The following N4BP2L2 variants were observed in gnomAD, a reference collection of about 807,000 sequenced individuals.
The protein encoded by N4BP2L2 is NEDD4 binding protein 2 like 2.
In N4BP2L2, 50 loss-of-function variants were observed where a neutral mutation model predicts 56.2. The ratio of observed to expected loss-of-function variants is 0.89; its 90% CI spans 0.71 to 1.13. The LOEUF (loss-of-function observed/expected upper bound fraction) is 1.13, where lower values mean the gene tolerates loss of function less well. N4BP2L2 is among the 50% of genes most tolerant of loss of function. N4BP2L2 has a pLI of 0.00. For missense variants in N4BP2L2, 689 were observed against 693.8 expected (o/e 0.99, Z 0.08); for synonymous variants, 203 against 223.6 (o/e 0.91, Z 0.82).
At chr13:32,453,443 A>C (rs570109931) in intron 6 of N4BP2L2, among the ~76,000 whole-genome samples, 1 of 152,260 alleles carries the variant, frequency 6.6e-6, no homozygotes, top group South Asian at 2.1e-4. Flanking sequence ...AAGAGAAAAA[A>C]AAAAAGCTGA....
intron 5 of N4BP2L2, among the ~76,000 whole-genome samples, 154 bp from the exon 6 acceptor site, chr13:32,518,157 T>C (rs1398976317): frequency 2.0e-5 from 3 of 152,222 alleles, no homozygotes; most frequent in African/African-American, 7.2e-5. Context: ...AAAAGACTTA[T>C]TAAAAACTCA....
intron 3 of N4BP2L2, chr13:32,524,505 T>TATC (rs1406861332): frequency 6.6e-6 from 1 of 152,216 alleles, no homozygotes; most frequent in Non-Finnish European, 1.5e-5. Context: ...ACAAATGAAC[T>TATC]ATCATACTGT....
chr13:32,469,590 G>A (rs1475529250), intron 6 of N4BP2L2, among the ~76,000 whole-genome samples: 1 of 152,226 alleles, frequency 6.6e-6, no homozygotes, highest in East Asian at 1.9e-4. Flanking sequence ...CACCCCCACT[G>A]AGTTGTGGGA....
exon 8 of N4BP2L2, chr13:32,438,667 C>G: frequency 1.2e-6 from 2 of 1,605,010 alleles, no homozygotes; most frequent in Non-Finnish European, 1.7e-6. Flanking sequence ...CTGACATCTT[C>G]CATTGCAAGT....
intron 6 of N4BP2L2, among the ~76,000 whole-genome samples, chr13:32,476,218 T>A (rs564600046): frequency 3.9e-5 from 6 of 152,306 alleles, no homozygotes; most frequent in African/African-American, 1.2e-4. Context: ...ATGAACCAGA[T>A]GAACTGGATC....
chr13:32,434,163 G>A (rs570192883), intron 9 of N4BP2L2, among the ~76,000 whole-genome samples: 3 of 150,342 alleles, frequency 2.0e-5, no homozygotes, highest in East Asian at 4.0e-4. Context: ...TGCAACCTCC[G>A]CCTCCCGGGT....
chr13:32,530,192 A>G (rs2054309569), intron 2 of N4BP2L2, among the ~76,000 whole-genome samples: 1 of 152,206 alleles, frequency 6.6e-6, no homozygotes, highest in African/African-American at 2.4e-5. Flanking sequence ...TATAAAGAAC[A>G]TTTTCTTAAA....
chr13:32,443,929 G>A, exon 7 of N4BP2L2: 2 of 1,589,670 alleles, frequency 1.3e-6, no homozygotes, highest in Non-Finnish European at 1.7e-6. Context: ...GGGATATTCT[G>A]ATTCTCTTCT....
chr13:32,506,981 T>C (rs1054411128), downstream of N4BP2L2: 1 of 152,146 alleles, frequency 6.6e-6, no homozygotes, highest in East Asian at 1.9e-4. Flanking sequence ...GTGCTAGTAA[T>C]ATCGTATTTC....
intron 6 of N4BP2L2, among the ~76,000 whole-genome samples, chr13:32,498,947 C>T (rs2089381508): frequency 7.2e-6 from 1 of 137,984 alleles, no homozygotes; most frequent in Non-Finnish European, 1.5e-5. Flanking sequence ...AGAGATTGTG[C>T]CATTGCACTC....
intron 8 of N4BP2L2, chr13:32,438,540 G>C (rs560122921): frequency 2.7e-6 from 2 of 743,478 alleles, no homozygotes; most frequent in Admixed American, 5.6e-5. Context: ...TGGAGGTTGT[G>C]GTGAGCCAAG....
At chr13:32,516,650 T>C (rs1428187303) in exon 6 of N4BP2L2, 2 of 153,522 alleles carry the variant, frequency 1.3e-5, no homozygotes, top group African/African-American at 2.4e-5. Flanking sequence ...TAAAGAATCA[T>C]AATGCTTAAT....
exon 2 of N4BP2L2, chr13:32,536,970 C>T (rs765824430): frequency 1.2e-6 from 2 of 1,612,132 alleles, no homozygotes; most frequent in East Asian, 2.2e-5. Flanking sequence ...CAGCGTGGCT[C>T]ACTCGTTACT....
intron 6 of N4BP2L2, among the ~76,000 whole-genome samples, chr13:32,495,979 C>T (rs769855068): frequency 2.6e-5 from 4 of 152,176 alleles, no homozygotes; most frequent in Non-Finnish European, 2.9e-5. Context: ...CACCCCACCC[C>T]GCCGGTGCCT....
intron 2 of N4BP2L2, among the ~76,000 whole-genome samples, chr13:32,533,029 T>C (rs1297910980): frequency 2.6e-5 from 4 of 152,152 alleles, no homozygotes; most frequent in African/African-American, 9.7e-5. Flanking sequence ...CTAGCCTGTT[T>C]CTGGGTTCTC....
At chr13:32,532,540 T>C (rs2055131869) in intron 2 of N4BP2L2, among the ~76,000 whole-genome samples, 1 of 151,936 alleles carries the variant, frequency 6.6e-6, no homozygotes. Flanking sequence ...TCATCAAATA[T>C]TAAATTCTTT....
At chr13:32,515,913 T>G (rs1183087050) in exon 6 of N4BP2L2, 2 of 152,104 alleles carry the variant, frequency 1.3e-5, no homozygotes, top group Non-Finnish European at 2.9e-5. Context: ...GATTTTTGTA[T>G]TTTAAGTAGA....
exon 7 of N4BP2L2, chr13:32,443,748 A>G: frequency 6.4e-7 from 1 of 1,572,054 alleles, no homozygotes; most frequent in Non-Finnish European, 8.6e-7. Flanking sequence ...TCAGTAACAA[A>G]CTTACAAACA....
At chr13:32,459,220 C>A (rs1391817415) in intron 6 of N4BP2L2, among the ~76,000 whole-genome samples, 1 of 151,836 alleles carries the variant, frequency 6.6e-6, no homozygotes, top group Non-Finnish European at 1.5e-5. Flanking sequence ...TAATGATGCA[C>A]CTCAAGGAAC....
Sources: allele counts gnomAD v4.1 joint callset (sites outside exome capture counted in the v4.1 genomes callset), GRCh38; gene constraint gnomAD v4.1.1; transcripts MANE v1.5; gene names NCBI Gene and HGNC (gene_info 2026-07-23, HGNC 2026-07-21).